MECOM: variants seen among roughly 807,000 people sequenced by gnomAD.
MECOM encodes the protein MDS1 and EVI1 complex locus.
Under a neutral mutation model 116.3 loss-of-function variants are expected in MECOM, and 13 were observed. That is an observed-to-expected ratio of 0.11 (90% confidence interval 0.07 to 0.18). The LOEUF (loss-of-function observed/expected upper bound fraction) is 0.18, where lower values mean the gene tolerates loss of function less well. Among genes scored for constraint, MECOM ranks in the 10% least tolerant of loss-of-function variants. The probability of loss-of-function intolerance (pLI) is 1.00; values close to 1 mark genes in which losing one functional copy is unlikely to be tolerated. For missense variants in MECOM, 1,299 were observed against 1,509.0 expected, an observed-to-expected ratio of 0.86 and a Z score of 2.31; for synonymous variants, 528 against 535.2, an observed-to-expected ratio of 0.99 and a Z score of 0.19.
At chr3:169,456,349 C>G (rs1399763186) in intron 1 of MECOM, among the ~76,000 whole-genome samples, 2 of 152,182 alleles carry the variant, frequency 1.3e-5, no homozygotes, top group African/African-American at 4.8e-5. Flanking sequence ...AATTCATTTG[C>G]AGCAGAAGTG....
At chr3:169,376,703 TC>T (rs1387486387) in intron 2 of MECOM, among the ~76,000 whole-genome samples, 1 of 152,080 alleles carries the variant, frequency 6.6e-6, no homozygotes, top group African/African-American at 2.4e-5. Context: ...GGAAAAAAAT[TC>T]CATGCTAATG....
rs183092417 is a variant in MECOM at position 169,503,725 on chromosome 3, G to A, written c.38-122201C>T. On this transcript the variant is annotated intron_variant, in intron 1 of 16. Coordinates refer to ENST00000651503, the MANE Select transcript of MECOM (RefSeq NM_004991.4). ...TAGTGAAAGCAAAAAAAGCTATGTA[G>A]TTATTTCTTTAAAACCTTCAGCAGT... Among the ~76,000 whole-genome samples the A allele has an allele frequency of 1.9e-3, 292 of 152,232 alleles. 4 individuals carry two copies. The highest frequency in any genetic ancestry group is 6.8e-3 in the African/African-American group (281 of 41,528).
intron 2 of MECOM, among the ~76,000 whole-genome samples, chr3:169,156,277 T>C (rs1741967281): frequency 6.6e-6 from 1 of 152,202 alleles, no homozygotes; most frequent in Non-Finnish European, 1.5e-5. Flanking sequence ...ATTTGGCTTA[T>C]TCGACCAGGC....
chr3:169,143,591 C>T, intron 3 of MECOM, 107 bp downstream of exon 3: 2 of 1,083,926 alleles, frequency 1.8e-6, no homozygotes, highest in Non-Finnish European at 2.5e-6. Flanking sequence ...ACAATATCAA[C>T]AAACAGGCCA....
intron 2 of MECOM, among the ~76,000 whole-genome samples, chr3:169,220,894 A>G (rs1752052706): frequency 6.6e-6 from 1 of 152,362 alleles, no homozygotes; most frequent in South Asian, 2.1e-4. Context: ...AGGCTCGAAC[A>G]ATATCCGGCG....
At chr3:169,584,794 A>G (rs1765590382) in intron 1 of MECOM, among the ~76,000 whole-genome samples, 1 of 152,184 alleles carries the variant, frequency 6.6e-6, no homozygotes, top group East Asian at 1.9e-4. Context: ...TAAAGACTAT[A>G]TATAAAGTGG....
chr3:169,302,059 T>C (rs1167015037), intron 2 of MECOM, among the ~76,000 whole-genome samples: 1 of 152,226 alleles, frequency 6.6e-6, no homozygotes, highest in African/African-American at 2.4e-5. Flanking sequence ...ATGTTCCCTC[T>C]AGGTTATCAA....
chr3:169,170,199 T>G (rs1477352169), intron 2 of MECOM, among the ~76,000 whole-genome samples: 2 of 151,840 alleles, frequency 1.3e-5, no homozygotes, highest in East Asian at 3.9e-4. Flanking sequence ...GATCACGAGG[T>G]CAAGAGATCG....
At chr3:169,472,273 G>GT (rs1339191295) in intron 1 of MECOM, among the ~76,000 whole-genome samples, 2 of 148,014 alleles carry the variant, frequency 1.4e-5, no homozygotes, top group South Asian at 2.1e-4. Context: ...ATAATATTGT[G>GT]TAAAAAAAAA....
chr3:169,130,432 G>C (rs1260598738), intron 4 of MECOM, among the ~76,000 whole-genome samples: 1 of 152,088 alleles, frequency 6.6e-6, no homozygotes, highest in Non-Finnish European at 1.5e-5. Context: ...GTTGCTAAGA[G>C]GAAAATGAGT....
intron 2 of MECOM, among the ~76,000 whole-genome samples, chr3:169,326,272 G>C (rs967024001): frequency 4.6e-5 from 7 of 152,078 alleles, no homozygotes; most frequent in African/African-American, 9.7e-5. Context: ...ATGCACTCTG[G>C]ATATTCTATT....
At position 169,131,503 on chromosome 3, in the gene MECOM, G is replaced by A. The variant is rs553173261; in HGVS notation, c.539C>T (p.Ala180Val). The A allele has an allele frequency of 1.6e-5, 26 of 1,613,498 alleles. No homozygotes were observed. In the South Asian group the frequency reaches 1.9e-4, roughly 12 times the overall value. Residue 180 changes from alanine (A) to valine (V), a missense_variant, in exon 4 of 17, where the codon GCG becomes GTG. By Grantham distance (64) the Ala-to-Val change is moderately conservative. Around this residue, in one of 6 missense-constraint regions of MECOM, gnomAD observed 374 missense variants for 433.4 expected, o/e 0.86. Transcript: ENST00000651503. ...QIFYRVVADI[A>V]PGEELLLFMK... Reference sequence around the variant, plus strand: ...GAACAGCAGAAGCTCCTCTCCCGGCGCAATGTCTGCAACTACTCTATAGAA... The same window carrying A: ...GAACAGCAGAAGCTCCTCTCCCGGCACAATGTCTGCAACTACTCTATAGAA...
intron 1 of MECOM, among the ~76,000 whole-genome samples, chr3:169,621,602 CA>C (rs1192693203): frequency 9.2e-5 from 14 of 152,210 alleles, no homozygotes; most frequent in African/African-American, 3.4e-4. Context: ...ACTAAAAACA[CA>C]AAAATCAGCT....
chr3:169,625,171 T>C (rs1346485373), intron 1 of MECOM, among the ~76,000 whole-genome samples: 1 of 152,160 alleles, frequency 6.6e-6, no homozygotes, highest in Non-Finnish European at 1.5e-5. Flanking sequence ...ACATTTGGCA[T>C]GTGACAAATT....
rs2109821887 is a variant in MECOM, at chr3:169,611,327, C to T, written c.37+52009G>A. Among the ~76,000 whole-genome samples the T allele has an allele frequency of 6.6e-6, 1 of 152,340 alleles. No homozygotes were observed. Among genetic ancestry groups the T allele is most frequent in the Non-Finnish European group, 1.5e-5 (1 of 68,040 alleles). On this transcript the variant is annotated intron_variant, in intron 1 of 16. Transcript: ENST00000651503. This position sits in a 1 kb window ranked among gnomAD's most constrained non-coding sequence, Gnocchi z 4.1. ...GAATCATAATACAGGCCTTGTACTT[C>T]TGCCTCAGCTGACTTGTCTGTGGGA... is the stretch of plus-strand genomic sequence containing the variant.
At chr3:169,311,039 A>G (rs947854810) in intron 2 of MECOM, among the ~76,000 whole-genome samples, 38 of 152,182 alleles carry the variant, frequency 2.5e-4, no homozygotes, top group Non-Finnish European at 1.0e-4. Flanking sequence ...CAGGTATTAC[A>G]TTTTTGCTAA....
At chr3:169,395,475 C>T (rs1194389824) in intron 1 of MECOM, among the ~76,000 whole-genome samples, 1 of 152,120 alleles carries the variant, frequency 6.6e-6, no homozygotes, top group Non-Finnish European at 1.5e-5. Flanking sequence ...AAAGTGACTA[C>T]TAAATTTACA....
chr3:169,412,957 A>G (rs1737794561), intron 1 of MECOM, among the ~76,000 whole-genome samples: 1 of 152,254 alleles, frequency 6.6e-6, no homozygotes, highest in African/African-American at 2.4e-5. Flanking sequence ...TTCATGGTCA[A>G]GATAACACCA....
intron 16 of MECOM, among the ~76,000 whole-genome samples, chr3:169,085,741 A>G (rs1299178972): frequency 6.6e-6 from 1 of 152,188 alleles, no homozygotes; most frequent in African/African-American, 2.4e-5. Context: ...GTGTCTGCTG[A>G]GCAGAAGGTG....
Sources: allele counts gnomAD v4.1 joint callset (sites outside exome capture counted in the v4.1 genomes callset), GRCh38; gene constraint gnomAD v4.1.1; regional missense constraint gnomAD v4.1.1; non-coding constraint Gnocchi (gnomAD v3.1); transcripts MANE v1.5; gene names NCBI Gene and HGNC (gene_info 2026-07-23, HGNC 2026-07-21).